NKAIN2: variants seen among roughly 807,000 people sequenced by gnomAD.
The protein encoded by NKAIN2 is sodium/potassium transporting ATPase interacting 2.
A neutral mutation model predicts 32.6 loss-of-function variants in NKAIN2; 14 were observed. That is an observed-to-expected ratio of 0.43 (90% CI 0.28 to 0.67). The LOEUF (loss-of-function observed/expected upper bound fraction) is 0.67, where lower values mean the gene tolerates loss of function less well. NKAIN2 is among the 30% of genes least tolerant of loss of function. The pLI is 0.17. For synonymous variants in NKAIN2, 80 were observed against 87.2 expected, an observed-to-expected ratio of 0.92 and a Z score of 0.46; for missense variants, 198 against 258.3, an observed-to-expected ratio of 0.77 and a Z score of 1.60.
At chr6:124,520,124 T>A (rs1583377728) in intron 3 of NKAIN2, among the ~76,000 whole-genome samples, 1 of 151,956 alleles carries the variant, frequency 6.6e-6, no homozygotes, top group African/African-American at 2.4e-5. Context: ...GGCGGACAGA[T>A]AAACAGAAAG....
chr6:124,241,569 A>G (rs1017133212), intron 1 of NKAIN2, among the ~76,000 whole-genome samples: 1 of 152,190 alleles, frequency 6.6e-6, no homozygotes, highest in African/African-American at 2.4e-5. Context: ...AACAGAACAG[A>G]GGCCTCAGAA....
rs954292109 is a variant in NKAIN2, at chr6:124,252,923, C to T, written c.55-30082C>T. Among the ~76,000 whole-genome samples, 12 of 152,096 alleles carry T rather than the reference C, an allele frequency of 7.9e-5. 1 individual carries two copies. The highest frequency in any genetic ancestry group is 2.2e-4 in the African/African-American group (9 of 41,434). ...ACTTAAAACAGTGCCTGATATAGAA[C>T]GACAACTATACGTTAGTTAAATAAA... On this transcript the variant is annotated intron_variant, in intron 1 of 6. Transcript: ENST00000368417.
At chr6:123,852,496 C>T (rs1214193860) in intron 1 of NKAIN2, among the ~76,000 whole-genome samples, 1 of 152,168 alleles carries the variant, frequency 6.6e-6, no homozygotes, top group Non-Finnish European at 1.5e-5. Flanking sequence ...TCCAGCAATC[C>T]CCTTAACTGA....
chr6:124,492,479 C>T (rs1400520981), intron 3 of NKAIN2, among the ~76,000 whole-genome samples: 1 of 151,702 alleles, frequency 6.6e-6, no homozygotes. Context: ...TGAATTATGG[C>T]ACCTAATAAA....
intron 3 of NKAIN2, chr6:124,437,894 T>A: frequency 2.4e-6 from 1 of 411,280 alleles, no homozygotes; most frequent in Non-Finnish European, 4.8e-6. Flanking sequence ...TTTTTTTTCT[T>A]AACCCCAGGT....
At chr6:124,062,040 A>G (rs1217571697) in intron 1 of NKAIN2, among the ~76,000 whole-genome samples, 2 of 152,166 alleles carry the variant, frequency 1.3e-5, no homozygotes, top group Non-Finnish European at 2.9e-5. Context: ...CAACCAAATA[A>G]AACCAATGTT....
chr6:124,695,712 G>A (rs1331322992), intron 4 of NKAIN2, among the ~76,000 whole-genome samples: 1 of 152,090 alleles, frequency 6.6e-6, no homozygotes, highest in Non-Finnish European at 1.5e-5. Flanking sequence ...AAGTGAAAAA[G>A]GAAATGGAAT....
chr6:124,173,523 T>C (rs1160883170), intron 1 of NKAIN2, among the ~76,000 whole-genome samples: 4 of 152,084 alleles, frequency 2.6e-5, no homozygotes, highest in African/African-American at 9.7e-5. Context: ...AATGCAAAGC[T>C]GATTCTTTGC....
chr6:124,487,273 A>G (rs1777689283), intron 3 of NKAIN2, among the ~76,000 whole-genome samples: 1 of 152,164 alleles, frequency 6.6e-6, no homozygotes, highest in Non-Finnish European at 1.5e-5. Context: ...CCTTTAATGT[A>G]TGAAAAAACA....
chr6:124,672,321 A>C (rs1460626523), intron 4 of NKAIN2, among the ~76,000 whole-genome samples: 1 of 152,076 alleles, frequency 6.6e-6, no homozygotes, highest in Non-Finnish European at 1.5e-5. Context: ...AGTTGTCTAC[A>C]GGAGTGTCCA....
chr6:124,063,298 GAC>G (rs1361881272), intron 1 of NKAIN2, among the ~76,000 whole-genome samples: 1 of 152,056 alleles, frequency 6.6e-6, no homozygotes, highest in African/African-American at 2.4e-5. Context: ...CTGGCCCAAG[GAC>G]ACACAATTAA....
chr6:123,851,597 T>G (rs1039773151), intron 1 of NKAIN2, among the ~76,000 whole-genome samples: 4 of 152,138 alleles, frequency 2.6e-5, no homozygotes, highest in African/African-American at 9.7e-5. Context: ...CATAATAGCC[T>G]TACTAATTTG....
intron 1 of NKAIN2, among the ~76,000 whole-genome samples, chr6:123,849,173 C>T (rs899587748): frequency 2.6e-5 from 4 of 152,168 alleles, no homozygotes; most frequent in Non-Finnish European, 5.9e-5. Flanking sequence ...CTACTTTGTA[C>T]AACTTTTAGA....
chr6:124,814,258 A>C (rs1284237127), intron 5 of NKAIN2, among the ~76,000 whole-genome samples: 1 of 152,134 alleles, frequency 6.6e-6, no homozygotes, highest in African/African-American at 2.4e-5. Context: ...AAGACATCCA[A>C]ACAATTTCTG....
At chr6:124,416,543 G>A (rs1774496326) in intron 3 of NKAIN2, among the ~76,000 whole-genome samples, 2 of 152,138 alleles carry the variant, frequency 1.3e-5, no homozygotes, top group Admixed American at 6.5e-5. Flanking sequence ...GTAGGCTGTG[G>A]CCAGAGGACT....
chr6:123,880,970 T>C (rs983720891), intron 1 of NKAIN2, among the ~76,000 whole-genome samples: 1 of 152,188 alleles, frequency 6.6e-6, no homozygotes, highest in Non-Finnish European at 1.5e-5. Context: ...ACCAAAGTTA[T>C]ATTACAGGGT....
In NKAIN2 at chr6:123,877,475, G is replaced by A. The variant is rs143775225; in HGVS notation, c.54+73221G>A. Among the ~76,000 whole-genome samples, 131 of 152,332 alleles carry A rather than the reference G, an allele frequency of 8.6e-4. No individual in the cohort carries two copies. The East Asian group carries it at 0.02, about 23-fold the overall frequency. Reference sequence around the variant, plus strand: ...GGAATTTTAGATGGGCATATGGAATGTATGGGAAATAGATTTCAAGCCAAC... The same window carrying A: ...GGAATTTTAGATGGGCATATGGAATATATGGGAAATAGATTTCAAGCCAAC... On this transcript the variant is annotated intron_variant, in intron 1 of 6. Transcript: ENST00000368417.
intron 3 of NKAIN2, among the ~76,000 whole-genome samples, chr6:124,610,301 T>A (rs1438811574): frequency 6.6e-6 from 1 of 152,230 alleles, no homozygotes; most frequent in African/African-American, 2.4e-5. Context: ...CTTATCCCAG[T>A]ACTTAACACA....
At chr6:123,894,144 T>C (rs544500463) in intron 1 of NKAIN2, among the ~76,000 whole-genome samples, 1 of 152,322 alleles carries the variant, frequency 6.6e-6, no homozygotes, top group Non-Finnish European at 1.5e-5. Context: ...TTTTTCAGTT[T>C]TTTTATGTTT....
Sources: allele counts gnomAD v4.1 joint callset (sites outside exome capture counted in the v4.1 genomes callset), GRCh38; gene constraint gnomAD v4.1.1; transcripts MANE v1.5; gene names NCBI Gene and HGNC (gene_info 2026-07-23, HGNC 2026-07-21).